The following CDH4 variants were observed in gnomAD, a reference collection of about 807,000 sequenced individuals.
The protein encoded by CDH4 is cadherin-4.
CDH4 carries 33 observed loss-of-function variants against 86.0 expected under a neutral mutation model. That is an observed-to-expected ratio of 0.38 (90% CI 0.29 to 0.51). CDH4 has a LOEUF of 0.51. Ranked by LOEUF, CDH4 falls within the 20% of genes least tolerant of loss-of-function variation. CDH4 has a pLI of 0.86. For missense variants in CDH4, 1,114 were observed against 1,307.4 expected (o/e 0.85, Z 2.28); for synonymous variants, 555 against 549.4 (o/e 1.01, Z -0.14).
chr20:61,349,024 A>G (rs939312851), intron 2 of CDH4, among the ~76,000 whole-genome samples: 6 of 152,130 alleles, frequency 3.9e-5, no homozygotes, highest in Non-Finnish European at 8.8e-5. Context: ...TTGTGCCGCA[A>G]TTGTTCCTTT....
chr20:61,294,256 C>A (rs1220414438), intron 2 of CDH4, among the ~76,000 whole-genome samples: 1 of 152,192 alleles, frequency 6.6e-6, no homozygotes, highest in Non-Finnish European at 1.5e-5. Flanking sequence ...CTGGGGTCTG[C>A]ACCGGGGCCA....
chr20:61,698,202 C>T (rs1162520869), intron 2 of CDH4, among the ~76,000 whole-genome samples: 1 of 152,244 alleles, frequency 6.6e-6, no homozygotes, highest in Non-Finnish European at 1.5e-5. Flanking sequence ...CTCCCGCCCT[C>T]ACGCCTGCTC....
intron 7 of CDH4, among the ~76,000 whole-genome samples, chr20:61,882,280 A>G (rs1367359524): frequency 6.6e-6 from 1 of 152,230 alleles, no homozygotes; most frequent in Non-Finnish European, 1.5e-5. Context: ...TGGCACCATG[A>G]CGTGAAAGCC....
At chr20:61,771,621 CAA>C (rs71331929) in intron 3 of CDH4, among the ~76,000 whole-genome samples, 10 of 110,064 alleles carry the variant, frequency 9.1e-5, no homozygotes, top group Admixed American at 2.7e-4. Context: ...GACTCCATCT[CAA>C]AAAAAAAAAA....
chr20:61,312,547 C>T (rs543945380), intron 2 of CDH4, among the ~76,000 whole-genome samples: 1 of 152,210 alleles, frequency 6.6e-6, no homozygotes, highest in African/African-American at 2.4e-5. Flanking sequence ...CCCCTTGCCC[C>T]TGCAGTCCCC....
intron 8 of CDH4, among the ~76,000 whole-genome samples, chr20:61,897,636 T>C (rs1985193460): frequency 6.6e-6 from 1 of 152,116 alleles, no homozygotes; most frequent in South Asian, 2.1e-4. Context: ...CACACCACCC[T>C]GGGGCTCCTC....
At chr20:61,685,552 C>T (rs900580199) in intron 2 of CDH4, among the ~76,000 whole-genome samples, 3 of 152,274 alleles carry the variant, frequency 2.0e-5, no homozygotes, top group South Asian at 4.1e-4. Flanking sequence ...CCCCACCACC[C>T]CGCTGTTTGT....
chr20:61,778,288 G>A (rs565802470), intron 4 of CDH4, among the ~76,000 whole-genome samples: 6 of 152,282 alleles, frequency 3.9e-5, no homozygotes, highest in East Asian at 3.9e-4. Flanking sequence ...AGCACAGAGC[G>A]CTTTGAGGTT....
At chr20:61,748,644 T>G (rs1173895338) in intron 3 of CDH4, among the ~76,000 whole-genome samples, 1 of 152,080 alleles carries the variant, frequency 6.6e-6, no homozygotes, top group Non-Finnish European at 1.5e-5. Flanking sequence ...AACAGAGAAC[T>G]CGAATTTACA....
At chr20:61,704,123 A>G (rs6061755) in intron 2 of CDH4, among the ~76,000 whole-genome samples, 32,153 of 151,756 alleles carry the variant, frequency 0.21, 3,498 homozygotes, top group South Asian at 0.26. Flanking sequence ...ACGCATTTCC[A>G]TGGGGGTCAG....
Position 61,252,475 on chromosome 20 carries a change from G to A in CDH4, c.-39G>A. 2.8e-6 allele frequency: 3 copies of A among 1,077,788 alleles called. No homozygotes were observed. The highest frequency in any genetic ancestry group is 3.4e-6 in the Non-Finnish European group (3 of 881,722). The allele number at this position is 1,077,788 out of a possible 1,614,324, so 66.8% of individuals were successfully genotyped here. The stretch of plus-strand genomic sequence containing the variant: ...GGCGGCGGCGGCGGCGGCAGGGAGC[G>A]GGCTCCCGGTGCCGGGCACCGGGCG... On this transcript the variant is annotated 5_prime_UTR_variant, in exon 1 of 16. Coordinates refer to ENST00000614565, the MANE Select transcript of CDH4 (RefSeq NM_001794.5). This position sits in a 1 kb window ranked among gnomAD's most constrained non-coding sequence, Gnocchi z 4.4.
chr20:61,800,723 G>A (rs1944188505), intron 4 of CDH4, among the ~76,000 whole-genome samples: 1 of 152,238 alleles, frequency 6.6e-6, no homozygotes, highest in African/African-American at 2.4e-5. Flanking sequence ...CCTCAGGCAG[G>A]CCGAGAGCAC....
At chr20:61,886,712 GCCTCC>G (rs1452448354) in intron 7 of CDH4, among the ~76,000 whole-genome samples, 5 of 152,210 alleles carry the variant, frequency 3.3e-5, no homozygotes, top group Non-Finnish European at 4.4e-5. Flanking sequence ...ACACTTGCTG[GCCTCC>G]AGAGCACTCA....
chr20:61,838,836 A>G (rs1416673715), intron 4 of CDH4, among the ~76,000 whole-genome samples: 13 of 121,090 alleles, frequency 1.1e-4, no homozygotes, highest in African/African-American at 3.0e-4. Flanking sequence ...AAAAAAAAAA[A>G]AAGAAAGAAA....
At chr20:61,792,550 A>T (rs183799603) in intron 4 of CDH4, among the ~76,000 whole-genome samples, 1 of 152,174 alleles carries the variant, frequency 6.6e-6, no homozygotes, top group Non-Finnish European at 1.5e-5. Context: ...AAGGCCATTG[A>T]CACCTCACCC....
chr20:61,261,749 A>G lies in CDH4; in HGVS notation c.169+6812A>G, dbSNP rs141147838. Among the ~76,000 whole-genome samples, 798 of 152,342 alleles carry G rather than the reference A, an allele frequency of 5.2e-3. 1 individual carries two copies. The highest frequency in any genetic ancestry group is 7.8e-3 in the Non-Finnish European group (532 of 68,020). On this transcript the variant is annotated intron_variant, in intron 2 of 15. Coordinates refer to ENST00000614565, the MANE Select transcript of CDH4 (RefSeq NM_001794.5). ...TGTTCAGGGCCACAGCCATAAGACC[A>G]GCAGTGACCAGGCACACAGGTATGT...
At chr20:61,697,290 C>T (rs2087724719) in intron 2 of CDH4, among the ~76,000 whole-genome samples, 1 of 152,140 alleles carries the variant, frequency 6.6e-6, no homozygotes, top group Admixed American at 6.5e-5. Context: ...AGGAAAAGAA[C>T]ATCAGATGGC....
At chr20:61,892,331 C>T (rs1984860709) in intron 7 of CDH4, among the ~76,000 whole-genome samples, 1 of 152,176 alleles carries the variant, frequency 6.6e-6, no homozygotes, top group South Asian at 2.1e-4. Flanking sequence ...TCATGGGGCA[C>T]CTACTCTGTG....
intron 2 of CDH4, among the ~76,000 whole-genome samples, chr20:61,542,777 T>C (rs1568885210): frequency 6.6e-6 from 1 of 152,166 alleles, no homozygotes; most frequent in Non-Finnish European, 1.5e-5. Flanking sequence ...ACAGAACTAA[T>C]AGGAGAGATG....
Sources: gnomAD v4.1 joint callset for allele counts (sites outside exome capture counted in the v4.1 genomes callset) on GRCh38, gnomAD v4.1.1 for gene constraint, Gnocchi (gnomAD v3.1) non-coding constraint, MANE v1.5 for transcripts, NCBI Gene and HGNC (gene_info 2026-07-23, HGNC 2026-07-21) for gene names.